Variants in IBTK observed in about 807,000 individuals in gnomAD.
IBTK encodes inhibitor of Bruton tyrosine kinase.
Under a neutral mutation model 154.9 loss-of-function variants are expected in IBTK, and 83 were observed. The observed-to-expected ratio is 0.54, with a 90% CI of 0.45 to 0.64. The LOEUF (loss-of-function observed/expected upper bound fraction) is 0.64. IBTK is among the 30% of genes least tolerant of loss of function. IBTK has a pLI of 0.00. For synonymous variants in IBTK, 515 were observed against 536.1 expected (o/e 0.96, Z 0.54); for missense variants, 1,332 against 1,584.6 (o/e 0.84, Z 2.71).
chr6:82,207,949 G>A (rs1423684435), intron 16 of IBTK, among the ~76,000 whole-genome samples: 1 of 152,062 alleles, frequency 6.6e-6, no homozygotes, highest in African/African-American at 2.4e-5. Flanking sequence ...GTGGTTACTA[G>A]AGGTCAGGGG....
chr6:82,198,240 A>C (rs373926454), intron 21 of IBTK, among the ~76,000 whole-genome samples: 2 of 152,128 alleles, frequency 1.3e-5, no homozygotes, highest in Non-Finnish European at 2.9e-5. Flanking sequence ...AGGTGACTGG[A>C]AAGTCATTAC....
Position 82,214,360 on chromosome 6 carries a change from C to A in IBTK, c.2071G>T (p.Ala691Ser), listed in dbSNP as rs1769782747. The A allele has an allele frequency of 1.2e-6, 2 of 1,614,026 alleles. No individual in the cohort carries two copies. The highest frequency in any genetic ancestry group is 1.7e-6 in the Non-Finnish European group (2 of 1,179,990). ...TTCTGCCTCTCACTAACTGTTTGAG[C>A]TTGATTACTTTTGTAAACTTCAAAT... ...SAFEVYKSNQ[A>S]QTVSERQKSK... Residue 691 changes from alanine to serine, a missense_variant, in exon 12 of 29, where the codon GCT becomes TCT. This residue lies in a region of IBTK where 1,134 missense variants were observed against 1,274.7 expected (regional missense o/e 0.89). Transcript: ENST00000306270.
At chr6:82,204,628 T>A (rs1261801081) in intron 17 of IBTK, among the ~76,000 whole-genome samples, 1 of 152,148 alleles carries the variant, frequency 6.6e-6, no homozygotes, top group Non-Finnish European at 1.5e-5. Context: ...TTATGACATT[T>A]CAATACAAAT....
chr6:82,227,323 A>T, intron 4 of IBTK, 21 bp from the exon 5 acceptor site: 3 of 1,341,588 alleles, frequency 2.2e-6, no homozygotes, highest in Non-Finnish European at 3.1e-6. Context: ...ACAAGAGAAT[A>T]TTATTAAACT....
At chr6:82,231,966 G>T in intron 3 of IBTK, 124 bp from the exon 4 acceptor site, 1 of 527,504 alleles carries the variant, frequency 1.9e-6, no homozygotes. Context: ...TATGATATTA[G>T]GTAATTCTAG....
At chr6:82,245,865 AG>A (rs1771123711) in intron 1 of IBTK, among the ~76,000 whole-genome samples, 2 of 152,306 alleles carry the variant, frequency 1.3e-5, no homozygotes, top group Admixed American at 1.3e-4. Flanking sequence ...GAGAACAGAT[AG>A]GGAAACTAGA....
intron 26 of IBTK, among the ~76,000 whole-genome samples, chr6:82,178,224 T>C (rs527547814): frequency 5.3e-5 from 8 of 152,272 alleles, no homozygotes; most frequent in Admixed American, 1.3e-4. Context: ...ATAAACTCCA[T>C]TGAGTCAAAC....
chr6:82,236,538 G>T (rs1258136734), intron 2 of IBTK, among the ~76,000 whole-genome samples: 1 of 152,154 alleles, frequency 6.6e-6, no homozygotes, highest in Admixed American at 6.5e-5. Context: ...TCCTGTCATG[G>T]AATCAAGAAG....
chr6:82,226,901 C>T (rs968341148), intron 5 of IBTK, among the ~76,000 whole-genome samples: 1 of 152,136 alleles, frequency 6.6e-6, no homozygotes, highest in Non-Finnish European at 1.5e-5. Context: ...CCACTGCGCC[C>T]GGCCTAGTCT....
In IBTK at chr6:82,242,392, C is replaced by T. The variant is rs558329223; in HGVS notation, c.-357-1549G>A. Among the ~76,000 whole-genome samples, 15 of 151,516 alleles carry T rather than the reference C, an allele frequency of 9.9e-5. 1 individual carries two copies. The South Asian group carries it at 1.3e-3, about 13-fold the overall frequency. On this transcript the variant is annotated intron_variant, in intron 1 of 28. Transcript: ENST00000306270. The stretch of plus-strand genomic sequence containing the variant: ...ATCAAAAAAAAAAAAAAATTAATGG[C>T]AATTACTTTTAAGAATCCAATCCCA...
In IBTK at chr6:82,171,495, T is replaced by G. The variant is rs371750912; in HGVS notation, c.3992A>C (p.Glu1331Ala). The stretch of plus-strand genomic sequence containing the variant: ...CGGTGTCCTTTCAACAATGACAAAC[T>G]CTTCAGGGTTGCCAAATGCCTCATA... ...VFYEAFGNPE[E>A]FVIVERTPQG... Residue 1331 changes from glutamate (E) to alanine (A), a missense_variant, in exon 29 of 29, where the codon GAG (glutamate) becomes GCG (alanine). Glu to Ala is a moderately radical substitution (Grantham distance 107). Coordinates refer to ENST00000306270, the MANE Select transcript of IBTK (RefSeq NM_015525.4). 188 of 1,612,984 alleles carry G rather than the reference T, an allele frequency of 1.2e-4. No individual in the cohort carries two copies. Among genetic ancestry groups the G allele is most frequent in the Non-Finnish European group, 1.4e-4 (168 of 1,179,336 alleles).
chr6:82,189,907 G>A (rs1320688243), intron 25 of IBTK, among the ~76,000 whole-genome samples: 2 of 152,102 alleles, frequency 1.3e-5, no homozygotes, highest in Non-Finnish European at 2.9e-5. Flanking sequence ...TTTAAAGAAA[G>A]CACAACTCAG....
In IBTK at chr6:82,181,995, T is replaced by G. The variant is rs1768339168; in HGVS notation, c.3609A>C (p.Ser1203=). The G allele has an allele frequency of 6.2e-7, 1 of 1,605,898 alleles. No homozygotes were observed. The change falls in exon 26 of 29, where the codon TCA becomes TCC. Residue 1203 remains serine (S), a synonymous_variant. Coordinates refer to ENST00000306270, the MANE Select transcript of IBTK (RefSeq NM_015525.4). The part of the protein sequence containing the change: ...ASSLHSVSSK[S]FRDFLLEEKK... Reference sequence around the variant, plus strand: ...TTTCTTCTAGTAAGAAATCCCGGAATGACTTGGATGAAACTGAATGCAGAG... The same window carrying G: ...TTTCTTCTAGTAAGAAATCCCGGAAGGACTTGGATGAAACTGAATGCAGAG...
At chr6:82,206,932 C>T (rs1051398965) in intron 16 of IBTK, among the ~76,000 whole-genome samples, 2 of 152,062 alleles carry the variant, frequency 1.3e-5, no homozygotes, top group Non-Finnish European at 2.9e-5. Flanking sequence ...AATAATCTTC[C>T]TCAACCTGAT....
At chr6:82,193,865 A>G (rs958397278) in intron 23 of IBTK, among the ~76,000 whole-genome samples, 1 of 151,990 alleles carries the variant, frequency 6.6e-6, no homozygotes, top group African/African-American at 2.4e-5. Flanking sequence ...GTATTTTAGT[A>G]GAGATGGGGT....
chr6:82,181,414 T>G (rs1768313460), intron 26 of IBTK, among the ~76,000 whole-genome samples: 1 of 152,154 alleles, frequency 6.6e-6, no homozygotes, highest in Non-Finnish European at 1.5e-5. Flanking sequence ...TTATGCTGAG[T>G]AAAAGAAGAC....
chr6:82,194,166 G>A (rs1478688233), intron 23 of IBTK, among the ~76,000 whole-genome samples: 1 of 152,022 alleles, frequency 6.6e-6, no homozygotes, highest in Non-Finnish European at 1.5e-5. Flanking sequence ...TTGTCTTCCT[G>A]TGCAGCATTT....
intron 23 of IBTK, among the ~76,000 whole-genome samples, chr6:82,193,172 C>T (rs1338052447): frequency 6.7e-6 from 1 of 150,328 alleles, no homozygotes; most frequent in Admixed American, 6.6e-5. Flanking sequence ...TCATCAAAAA[C>T]AAATTCTACT....
intron 4 of IBTK, 25 bp from the exon 5 acceptor site, chr6:82,227,327 T>A: frequency 2.3e-6 from 3 of 1,320,522 alleles, no homozygotes; most frequent in Non-Finnish European, 3.2e-6. Flanking sequence ...GAGAATATTA[T>A]TAAACTTCTC....
Sources: gnomAD v4.1 joint callset for allele counts (sites outside exome capture counted in the v4.1 genomes callset) on GRCh38, gnomAD v4.1.1 for gene constraint, gnomAD v4.1.1 regional missense constraint, MANE v1.5 for transcripts, NCBI Gene and HGNC (gene_info 2026-07-23, HGNC 2026-07-21) for gene names.